Variants in FSTL5 observed in about 807,000 individuals in gnomAD.
The protein encoded by FSTL5 is follistatin like 5, also known as follistatin-related protein 5.
Under a neutral mutation model 89.1 loss-of-function variants are expected in FSTL5, and 62 were observed. The ratio of observed to expected loss-of-function variants is 0.70; its 90% CI spans 0.57 to 0.86. The LOEUF is 0.86. Ranked by LOEUF, FSTL5 falls within the 40% of genes least tolerant of loss-of-function variation. The pLI is 0.00. For missense variants in FSTL5, 1,057 were observed against 1,001.6 expected (o/e 1.06, Z -0.75); for synonymous variants, 383 against 346.2 (o/e 1.11, Z -1.18).
At chr4:161,835,456 A>G (rs1219785944) in intron 4 of FSTL5, among the ~76,000 whole-genome samples, 2 of 152,062 alleles carry the variant, frequency 1.3e-5, no homozygotes, top group African/African-American at 2.4e-5. Context: ...GACAAATGGG[A>G]TCTAATTAAA....
At chr4:161,784,190 C>T (rs1237147066) in intron 4 of FSTL5, among the ~76,000 whole-genome samples, 1 of 151,964 alleles carries the variant, frequency 6.6e-6, no homozygotes, top group Non-Finnish European at 1.5e-5. Flanking sequence ...CCCCACTCAG[C>T]CTCCCAAAGT....
intron 3 of FSTL5, among the ~76,000 whole-genome samples, chr4:161,987,237 C>A (rs892371221): frequency 1.4e-4 from 21 of 151,948 alleles, no homozygotes; most frequent in Non-Finnish European, 3.1e-4. Flanking sequence ...GACTTTCTTT[C>A]TTATGGCTTA....
At chr4:161,739,108 T>C (rs1032324567) in intron 6 of FSTL5, among the ~76,000 whole-genome samples, 1 of 152,212 alleles carries the variant, frequency 6.6e-6, no homozygotes. Flanking sequence ...CCTCCCCAAA[T>C]TCATATGTTG....
At chr4:161,936,860 C>T (rs1244979754) in intron 3 of FSTL5, among the ~76,000 whole-genome samples, 3 of 152,098 alleles carry the variant, frequency 2.0e-5, no homozygotes, top group Non-Finnish European at 4.4e-5. Flanking sequence ...TCTTAGCCAT[C>T]AGGCAGATTA....
intron 4 of FSTL5, among the ~76,000 whole-genome samples, chr4:161,887,400 TATCTATCTATCTATCTATCTATCTATC>T (rs1249269746): frequency 6.5e-5 from 3 of 45,924 alleles, no homozygotes; most frequent in African/African-American, 1.5e-4. Context: ...ATCATCTATC[TATCTATCTATCTATCTATCTATCTATC>T]ATCTATCTAC....
intron 6 of FSTL5, among the ~76,000 whole-genome samples, chr4:161,705,087 T>C (rs1738525828): frequency 6.6e-6 from 1 of 152,066 alleles, no homozygotes; most frequent in Admixed American, 6.6e-5. Context: ...TTGCATTTTG[T>C]TCTAAAATTA....
At chr4:161,806,174 TA>T (rs1420437901) in intron 4 of FSTL5, among the ~76,000 whole-genome samples, 2 of 152,106 alleles carry the variant, frequency 1.3e-5, no homozygotes, top group African/African-American at 4.8e-5. Context: ...AACTTAGTCT[TA>T]AAAAATGAGA....
At chr4:162,153,791 G>T (rs1389874853) in intron 1 of FSTL5, among the ~76,000 whole-genome samples, 1 of 89,688 alleles carries the variant, frequency 1.1e-5, no homozygotes, top group African/African-American at 3.5e-5. Flanking sequence ...ACATATATAT[G>T]TATATGTATA....
chr4:162,047,740 G>C (rs1046156702), intron 2 of FSTL5, among the ~76,000 whole-genome samples: 1 of 151,894 alleles, frequency 6.6e-6, no homozygotes, highest in African/African-American at 2.4e-5. Flanking sequence ...CAGGAGAATT[G>C]CTTGAACCTG....
chr4:162,130,011 C>T (rs940000719), intron 1 of FSTL5, among the ~76,000 whole-genome samples: 1 of 152,136 alleles, frequency 6.6e-6, no homozygotes, highest in African/African-American at 2.4e-5. Flanking sequence ...CAATAGAATT[C>T]TAAAGAGCCT....
chr4:161,575,512 T>C (rs1733179214), intron 8 of FSTL5, among the ~76,000 whole-genome samples: 1 of 152,084 alleles, frequency 6.6e-6, no homozygotes, highest in South Asian at 2.1e-4. Context: ...TGGAGTGCAG[T>C]GGTGCATCTT....
intron 13 of FSTL5, among the ~76,000 whole-genome samples, chr4:161,473,866 C>T (rs1430446360): frequency 1.3e-5 from 2 of 152,158 alleles, no homozygotes; most frequent in Non-Finnish European, 2.9e-5. Flanking sequence ...AAGTGAGCCT[C>T]TTGTAGATAG....
At chr4:161,921,592 G>T (rs1733998310) in intron 3 of FSTL5, among the ~76,000 whole-genome samples, 1 of 151,972 alleles carries the variant, frequency 6.6e-6, no homozygotes, top group African/African-American at 2.4e-5. Context: ...TTGCAAAAAA[G>T]AAATATTTGA....
In FSTL5 at chr4:161,538,246, T is replaced by C; in HGVS notation, c.1232A>G (p.Tyr411Cys). The C allele has an allele frequency of 6.2e-7, 1 of 1,614,004 alleles. No homozygotes were observed. The highest frequency in any genetic ancestry group is 8.5e-7 in the Non-Finnish European group (1 of 1,179,876). The change falls in exon 10 of 16, where the codon TAC (tyrosine) becomes TGC (cysteine). Residue 411 changes from tyrosine to cysteine, a missense_variant. By Grantham distance (194) the Tyr-to-Cys change is radical. Around this residue, in one of 3 missense-constraint regions of FSTL5, gnomAD observed 980 missense variants for 903.2 expected, o/e 1.08. Coordinates refer to ENST00000306100, the MANE Select transcript of FSTL5 (RefSeq NM_020116.5). ...SNVRYEDTGA[Y>C]TCIAKNEAGV... ...TGCTTCATTCTTTGCGATACAAGTG[T>C]ATGCTCCAGTATCTTCATAGCGCAC...
chr4:161,404,524 G>A (rs148910967), intron 15 of FSTL5, among the ~76,000 whole-genome samples: 3 of 152,060 alleles, frequency 2.0e-5, no homozygotes, highest in African/African-American at 7.2e-5. Context: ...CCTCAACATA[G>A]GGCCAATCCT....
chr4:162,146,930 C>CG (rs965927413), intron 1 of FSTL5, among the ~76,000 whole-genome samples: 8 of 151,924 alleles, frequency 5.3e-5, no homozygotes, highest in Non-Finnish European at 7.4e-5. Context: ...TACAGGCGCA[C>CG]GCCACCATGC....
chr4:162,098,147 T>C (rs960663594), intron 2 of FSTL5, among the ~76,000 whole-genome samples: 7 of 152,008 alleles, frequency 4.6e-5, no homozygotes, highest in African/African-American at 1.7e-4. Flanking sequence ...TAAAAAGGAA[T>C]TCACTACTGA....
chr4:161,482,315 C>CA (rs112197039), intron 12 of FSTL5, among the ~76,000 whole-genome samples: 9,291 of 143,082 alleles, frequency 0.065, 811 homozygotes, highest in African/African-American at 0.21. Context: ...GACTCCGTCT[C>CA]AAAAAAAAAA....
intron 15 of FSTL5, among the ~76,000 whole-genome samples, chr4:161,389,954 C>T (rs554906100): frequency 3.9e-4 from 60 of 152,054 alleles, no homozygotes; most frequent in Admixed American, 7.2e-4. Context: ...ATAGTGTTAC[C>T]CAAGTGTGGC....
Sources: allele counts gnomAD v4.1 joint callset (sites outside exome capture counted in the v4.1 genomes callset), GRCh38; gene constraint gnomAD v4.1.1; regional missense constraint gnomAD v4.1.1; transcripts MANE v1.5; gene names NCBI Gene and HGNC (gene_info 2026-07-23, HGNC 2026-07-21).